SIGMAR1: variants seen among roughly 807,000 people sequenced by gnomAD.
SIGMAR1 encodes sigma non-opioid intracellular receptor 1.
A neutral mutation model predicts 25.4 loss-of-function variants in SIGMAR1; 18 were observed. That is an observed-to-expected ratio of 0.71 (90% CI 0.49 to 1.05). The LOEUF is 1.05. Ranked by LOEUF, SIGMAR1 falls within the 50% of genes least tolerant of loss-of-function variation. SIGMAR1 has a pLI of 0.00. For missense variants in SIGMAR1, 249 were observed against 301.6 expected (o/e 0.83, Z 1.29); for synonymous variants, 125 against 131.6 (o/e 0.95, Z 0.34).
chr9:34,635,746 C>T lies in SIGMAR1; in HGVS notation c.558G>A (p.Leu186=). ...GVIPSTLAFA[L]ADTVFSTQDF... is the part of the protein sequence containing the mutation. ...CCTGGGTGCTGAAGACAGTGTCGGC[C>T]AGCGCGAAGGCCAGGGTGGATGGGA... Residue 186 remains leucine, a synonymous_variant, in exon 4 of 4, where the codon CTG becomes CTA. Coordinates refer to ENST00000277010, the MANE Select transcript of SIGMAR1 (RefSeq NM_005866.4). The surrounding 1 kb of genome is among the most constrained non-coding windows in gnomAD (Gnocchi z 4.5). The T allele has an allele frequency of 6.2e-7, 1 of 1,614,236 alleles. No individual in the cohort carries two copies. Among genetic ancestry groups the T allele is most frequent in the Non-Finnish European group, 8.5e-7 (1 of 1,180,048 alleles).
chr9:34,637,461 G>A (rs1820921239), intron 1 of SIGMAR1, 41 bp from the exon 2 acceptor site: 2 of 1,587,658 alleles, frequency 1.3e-6, no homozygotes, highest in Non-Finnish European at 8.5e-7. Context: ...GGCTGGCACC[G>A]GTCCTAGGTC....
At chr9:34,636,235 C>T (rs921878651) in intron 3 of SIGMAR1, among the ~76,000 whole-genome samples, 10 of 150,940 alleles carry the variant, frequency 6.6e-5, no homozygotes, top group Non-Finnish European at 1.5e-4. Flanking sequence ...GCTGTTCAAC[C>T]ACCATGCCTG....
rs1196404578 is a variant in SIGMAR1 at position 34,635,618 on chromosome 9, T to C, written c.*14A>G. 1.9e-6 allele frequency: 3 copies of C among 1,614,028 alleles called. No individual in the cohort carries two copies. Among genetic ancestry groups the C allele is most frequent in the Non-Finnish European group, 2.5e-6 (3 of 1,179,926 alleles). ...CTCCTGTCTATCCGCAGGTCTTCCT[T>C]CAGGCCTGGCTGGTCAAGGGTCCTG... On this transcript the variant is annotated 3_prime_UTR_variant, in exon 4 of 4. Transcript: ENST00000277010. This position sits in a 1 kb window ranked among gnomAD's most constrained non-coding sequence, Gnocchi z 4.5.
rs10580085 is a variant in SIGMAR1, at chr9:34,634,803, ATGTGTG to A, written c.*823_*828del. 6 of 149,470 alleles carry A rather than the reference ATGTGTG, an allele frequency of 4.0e-5. No individual in the cohort carries two copies. Among genetic ancestry groups the A allele is most frequent in the South Asian group, 2.1e-4 (1 of 4,714 alleles). The allele number at this position is 149,470 out of a possible 1,614,324, so 9.3% of individuals were successfully genotyped here. ...GCAGGGGCTGTGTGAAAACTGTGAT[ATGTGTG>A]TGTGTGTGTGTGTGTGTATGTGTTG... is the stretch of plus-strand genomic sequence containing the variant. On this transcript the variant is annotated 3_prime_UTR_variant, in exon 4 of 4. Coordinates refer to ENST00000277010, the MANE Select transcript of SIGMAR1 (RefSeq NM_005866.4).
In SIGMAR1 at chr9:34,637,765, C is replaced by T; in HGVS notation, c.-68G>A. 1.7e-6 allele frequency: 2 copies of T among 1,183,884 alleles called. No homozygotes were observed. The highest frequency in any genetic ancestry group is 1.1e-6 in the Non-Finnish European group (1 of 902,496). The allele number at this position is 1,183,884 out of a possible 1,614,324, so 73.3% of individuals were successfully genotyped here. A position where few individuals can be genotyped will look rare whatever the true frequency, so the allele number is the denominator to read the frequency against. ...GGGCCTGAGGCTTTGCGCTCACGGC[C>T]TCGGAGCCCGCCGGCTGCCCACGAA... On this transcript the variant is annotated 5_prime_UTR_variant, in exon 1 of 4. Coordinates refer to ENST00000277010, the MANE Select transcript of SIGMAR1 (RefSeq NM_005866.4).
chr9:34,636,580 A>G (rs1387917244), intron 3 of SIGMAR1, among the ~76,000 whole-genome samples: 1 of 152,188 alleles, frequency 6.6e-6, no homozygotes, highest in Non-Finnish European at 1.5e-5. Context: ...GCTTGCAGTG[A>G]GCCGAGATCG....
rs781091660 is a variant in SIGMAR1 at position 34,635,759 on chromosome 9, A to G, written c.545T>C (p.Leu182Pro). 12 of 1,614,138 alleles carry G rather than the reference A, an allele frequency of 7.4e-6. No homozygotes were observed. The highest frequency in any genetic ancestry group is 1.0e-5 in the Non-Finnish European group (12 of 1,180,046). ...EYGRGVIPST[L>P]AFALADTVFS... ...GACAGTGTCGGCCAGCGCGAAGGCC[A>G]GGGTGGATGGGATGACGCCCCGGCC... The change falls in exon 4 of 4, where the codon CTG becomes CCG. Residue 182 changes from leucine (L) to proline (P), a missense_variant. Transcript: ENST00000277010. This position sits in a 1 kb window ranked among gnomAD's most constrained non-coding sequence, Gnocchi z 4.5.
At position 34,635,560 on chromosome 9, in the gene SIGMAR1, G is replaced by A; in HGVS notation, c.*72C>T. On this transcript the variant is annotated 3_prime_UTR_variant, in exon 4 of 4. Transcript: ENST00000277010. The surrounding 1 kb of genome is among the most constrained non-coding windows in gnomAD (Gnocchi z 4.5). The stretch of plus-strand genomic sequence containing the variant: ...TGTATGTCCCTGTCTGTAAACATGG[G>A]CTCCAGCAAGTGGATATGTGCGGGC... The A allele has an allele frequency of 6.3e-7, 1 of 1,599,066 alleles. No homozygotes were observed. Among genetic ancestry groups the A allele is most frequent in the Non-Finnish European group, 8.5e-7 (1 of 1,173,174 alleles).
rs768981923 is a variant in SIGMAR1 at position 34,637,141 on chromosome 9, C to T, written c.353-52G>A. On this transcript the variant is annotated intron_variant, in intron 2 of 3. Transcript: ENST00000277010. The stretch of plus-strand genomic sequence containing the variant: ...TCAGGGTATTCGCGCCATTGCATGG[C>T]CCAGCCAAACATCAGAAAGGAGGGC... The T allele has an allele frequency of 1.9e-6, 3 of 1,607,788 alleles. No homozygotes were observed. In the Admixed American group the frequency reaches 5.0e-5, roughly 27 times the overall value.
intron 3 of SIGMAR1, 57 bp downstream of exon 3, chr9:34,636,940 T>G: frequency 1.4e-6 from 2 of 1,413,460 alleles, no homozygotes; most frequent in Non-Finnish European, 2.0e-6. Flanking sequence ...CTCCCCGCAA[T>G]TGTGGGCACC....
At chr9:34,636,919 T>C (rs937107735) in intron 3 of SIGMAR1, 78 bp downstream of exon 3, 1 of 1,206,516 alleles carries the variant, frequency 8.3e-7, no homozygotes. Context: ...ACACTCCTTT[T>C]CCATGCCATG....
In SIGMAR1 at chr9:34,637,023, G is replaced by A. The variant is rs1215795446; in HGVS notation, c.419C>T (p.Thr140Ile). 1.2e-6 allele frequency: 2 copies of A among 1,614,156 alleles called. No individual in the cohort carries two copies. The highest frequency in any genetic ancestry group is 2.2e-5 in the East Asian group (1 of 44,886). Reference protein sequence around the residue: ...SGTFHQWREGTTKSEVFYPGE... With the variant: ...SGTFHQWREGITKSEVFYPGE... ...TGGGTAGAAGACCTCACTTTTGGTG[G>A]TGCCCTCTCTCCACTGGTGGAAGGT... Residue 140 changes from threonine (T) to isoleucine (I), a missense_variant, in exon 3 of 4, where the codon ACC (threonine) becomes ATC (isoleucine). Coordinates refer to ENST00000277010, the MANE Select transcript of SIGMAR1 (RefSeq NM_005866.4).
rs1486663443 is a variant in SIGMAR1 at position 34,637,767 on chromosome 9, C to G, written c.-70G>C. On this transcript the variant is annotated 5_prime_UTR_variant, in exon 1 of 4. Transcript: ENST00000277010. ...GCCTGAGGCTTTGCGCTCACGGCCT[C>G]GGAGCCCGCCGGCTGCCCACGAAGC... The G allele has an allele frequency of 6.1e-6, 7 of 1,146,824 alleles. No individual in the cohort carries two copies. The highest frequency in any genetic ancestry group is 1.6e-5 in the African/African-American group (1 of 60,880). 71.0% of individuals were successfully genotyped at this position (1,146,824 alleles called of 1,614,324 possible).
intron 3 of SIGMAR1, among the ~76,000 whole-genome samples, chr9:34,636,246 C>G (rs747850767): frequency 2.3e-4 from 35 of 149,438 alleles, no homozygotes; most frequent in Non-Finnish European, 4.0e-4. Context: ...ACCATGCCTG[C>G]GATGCATACA....
Position 34,637,238 on chromosome 9 carries a change from C to G in SIGMAR1, c.334G>C (p.Gly112Arg). ...EYVLLFGTAL[G>R]SRGHSGRYWA... The stretch of plus-strand genomic sequence containing the variant: ...CACTGACCCGAGTGGCCGCGGGAGC[C>G]CAAGGCGGTGCCGAAGAGCAGCACA... The change falls in exon 2 of 4, where the codon GGC becomes CGC. Residue 112 changes from glycine (G) to arginine (R), a missense_variant. Transcript: ENST00000277010. The G allele has an allele frequency of 6.4e-7, 1 of 1,560,264 alleles. No individual in the cohort carries two copies. The highest frequency in any genetic ancestry group is 8.6e-7 in the Non-Finnish European group (1 of 1,157,236).
chr9:34,636,682 T>C, intron 3 of SIGMAR1: 1 of 468,676 alleles, frequency 2.1e-6, no homozygotes. Context: ...TCTTTTGGGG[T>C]ATTGAGAGCA....
At position 34,637,738 on chromosome 9, in the gene SIGMAR1, C is replaced by A. The variant is rs1247614937; in HGVS notation, c.-41G>T. ...GGCACGGCGCAGCTCAGGAGGGAGC[C>A]GGGGCCTGAGGCTTTGCGCTCACGG... is the stretch of plus-strand genomic sequence containing the variant. On this transcript the variant is annotated 5_prime_UTR_variant, in exon 1 of 4. Coordinates refer to ENST00000277010, the MANE Select transcript of SIGMAR1 (RefSeq NM_005866.4). 1.4e-6 allele frequency: 2 copies of A among 1,405,032 alleles called. No individual in the cohort carries two copies. The highest frequency in any genetic ancestry group is 3.0e-5 in the African/African-American group (2 of 67,122). The allele number at this position is 1,405,032 out of a possible 1,614,324, so 87.0% of individuals were successfully genotyped here.
At chr9:34,636,139 A>G (rs1815500328) in intron 3 of SIGMAR1, among the ~76,000 whole-genome samples, 1 of 152,022 alleles carries the variant, frequency 6.6e-6, no homozygotes, top group African/African-American at 2.4e-5. Flanking sequence ...ACTCGAATCA[A>G]GCAGAAATTT....
Position 34,635,261 on chromosome 9 carries a change from C to T in SIGMAR1, c.*371G>A, listed in dbSNP as rs1820799693. The stretch of plus-strand genomic sequence containing the variant: ...ATAATACCCTCCCCCATCCTTAACT[C>T]TAGAACCCCGGTTTGGTGGGGAGGA... On this transcript the variant is annotated 3_prime_UTR_variant, in exon 4 of 4. Coordinates refer to ENST00000277010, the MANE Select transcript of SIGMAR1 (RefSeq NM_005866.4). The surrounding 1 kb of genome is among the most constrained non-coding windows in gnomAD (Gnocchi z 4.5). 1 of 357,394 alleles carries T rather than the reference C, an allele frequency of 2.8e-6. No homozygotes were observed. The highest frequency in any genetic ancestry group is 5.4e-6 in the Non-Finnish European group (1 of 184,188). The allele number at this position is 357,394 out of a possible 1,614,324, so 22.1% of individuals were successfully genotyped here.
Sources: gnomAD v4.1 joint callset for allele counts (sites outside exome capture counted in the v4.1 genomes callset) on GRCh38, gnomAD v4.1.1 for gene constraint, Gnocchi (gnomAD v3.1) non-coding constraint, MANE v1.5 for transcripts, NCBI Gene and HGNC (gene_info 2026-07-23, HGNC 2026-07-21) for gene names.